Variants in PTOV1 observed in about 807,000 individuals in gnomAD.
PTOV1 encodes prostate tumor-overexpressed gene 1 protein.
A neutral mutation model predicts 58.0 loss-of-function variants in PTOV1; 20 were observed. That is an observed-to-expected ratio of 0.34 (90% CI 0.24 to 0.50). PTOV1 has a LOEUF of 0.50. PTOV1 is among the 20% of genes least tolerant of loss of function. The pLI is 0.98. For missense variants in PTOV1, 593 were observed against 565.4 expected (o/e 1.05, Z -0.50); for synonymous variants, 335 against 234.2 (o/e 1.43, Z -3.93).
In PTOV1 at chr19:49,857,785, G is replaced by A. The variant is rs1285869537; in HGVS notation, c.804+3G>A. ...GTGGTGTCATGGAGTGGCAGGAGGT[G>A]AGCACTCGGCAGCCCAGGGACTTGG... On this transcript the variant is annotated splice_donor_region_variant and intron_variant, in intron 7 of 11. Coordinates refer to ENST00000391842, the Ensembl canonical transcript of PTOV1. 2 of 1,614,010 alleles carry A rather than the reference G, an allele frequency of 1.2e-6. No individual in the cohort carries two copies. The highest frequency in any genetic ancestry group is 1.7e-6 in the Non-Finnish European group (2 of 1,179,934).
chr19:49,854,515 C>G (rs1022832210), exon 2 of PTOV1: 1 of 1,613,084 alleles, frequency 6.2e-7, no homozygotes, highest in Non-Finnish European at 8.5e-7. Context: ...AAGCTGCTGG[C>G]TTGGAGCGGC....
chr19:49,856,645 TC>T, intron 5 of PTOV1: 1 of 340,776 alleles, frequency 2.9e-6, no homozygotes, highest in African/African-American at 2.1e-5. Flanking sequence ...CTGCCTGTGC[TC>T]TTAACCCCCA....
intron 5 of PTOV1, 21 bp from the exon 6 acceptor site, chr19:49,856,954 C>G: frequency 6.2e-7 from 1 of 1,611,470 alleles, no homozygotes; most frequent in Non-Finnish European, 8.5e-7. Context: ...ACCACAGGGT[C>G]CTGACCCGCG....
At chr19:49,850,812 A>G, upstream of PTOV1, 1 of 1,520,852 alleles carries the variant, frequency 6.6e-7, no homozygotes, top group South Asian at 1.2e-5. Context: ...CAGGCCCATT[A>G]TTCCGTCCTC....
At position 49,858,537 on chromosome 19, in the gene PTOV1, G is replaced by A. The variant is rs751976959; in HGVS notation, c.937-12G>A. 9.4e-5 allele frequency: 148 copies of A among 1,580,626 alleles called. No individual in the cohort carries two copies. In the South Asian group the frequency reaches 1.4e-3, roughly 15 times the overall value. On this transcript the variant is annotated splice_polypyrimidine_tract_variant and intron_variant, in intron 9 of 11. Transcript: ENST00000391842. ...AGAAGCCAGAGCTGGGGGTCCCCTCGCTTCCCCGCAGACCACCCTAGTGCC... is the reference window on the plus strand; with the variant it reads ...AGAAGCCAGAGCTGGGGGTCCCCTCACTTCCCCGCAGACCACCCTAGTGCC...
chr19:49,857,259 C>T (rs952600366), intron 6 of PTOV1, 129 bp downstream of exon 6: 130 of 1,319,366 alleles, frequency 9.9e-5, no homozygotes, highest in South Asian at 5.5e-4. Flanking sequence ...CAGGGGAGCC[C>T]GGAGGATGCC....
chr19:49,860,290 G>T, exon 12 of PTOV1: 1 of 1,612,254 alleles, frequency 6.2e-7, no homozygotes, highest in Non-Finnish European at 8.5e-7. Context: ...TGGTTACCCC[G>T]GGCTGGGCCC....
chr19:49,851,405 C>A, exon 1 of PTOV1: 4 of 1,197,418 alleles, frequency 3.3e-6, no homozygotes, highest in Non-Finnish European at 4.1e-6. Flanking sequence ...CCTCCGCGGC[C>A]CCTCGTGGTG....
At chr19:49,853,955 AAGACAGGGCAAGCTGGTGTGTGGGAC>A (rs1398633411) in intron 1 of PTOV1, among the ~76,000 whole-genome samples, 1 of 152,212 alleles carries the variant, frequency 6.6e-6, no homozygotes, top group Non-Finnish European at 1.5e-5. Context: ...CAGCCTGGGA[AAGACAGGGCAAGCTGGTGTGTGGGAC>A]AGACACAGCG....
At chr19:49,855,189 AG>A in intron 5 of PTOV1, 112 bp downstream of exon 5, 2 of 1,062,000 alleles carry the variant, frequency 1.9e-6, no homozygotes, top group Non-Finnish European at 2.8e-6. Flanking sequence ...GGCCGAGGGT[AG>A]CCCTCGTGGC....
rs1320385801 is a variant in PTOV1 at position 49,851,556 on chromosome 19, T to C, written c.171+57T>C. On this transcript the variant is annotated intron_variant, in intron 1 of 11. Transcript: ENST00000391842. ...CACGGCCCCGCCCCCCCAGCCCCTATCCCGGGCTCACGCCTTTGTCCGCAG... is the reference window on the plus strand; with the variant it reads ...CACGGCCCCGCCCCCCCAGCCCCTACCCCGGGCTCACGCCTTTGTCCGCAG... 6.6e-6 allele frequency: 6 copies of C among 904,646 alleles called. No individual in the cohort carries two copies. In the African/African-American group the frequency reaches 1.1e-4, roughly 16 times the overall value. 56.0% of individuals were successfully genotyped at this position (904,646 alleles called of 1,614,324 possible). A position where few individuals can be genotyped will look rare whatever the true frequency, so the allele number is the denominator to read the frequency against.
At chr19:49,851,774 G>A in intron 1 of PTOV1, 1 of 1,075,518 alleles carries the variant, frequency 9.3e-7, no homozygotes, top group Non-Finnish European at 1.1e-6. Flanking sequence ...TTTAAACGCG[G>A]GCTGGGGGCG....
Position 49,857,841 on chromosome 19 carries a change from G to C in PTOV1, c.804+59G>C, listed in dbSNP as rs549545057. On this transcript the variant is annotated intron_variant, in intron 7 of 11. Coordinates refer to ENST00000391842, the Ensembl canonical transcript of PTOV1. ...CCAGATCCTCACGGACTGTGGCTGGGAGGGGACACTGGCATTGGGGGTCTC... is the reference window on the plus strand; with the variant it reads ...CCAGATCCTCACGGACTGTGGCTGGCAGGGGACACTGGCATTGGGGGTCTC... The C allele has an allele frequency of 2.4e-4, 384 of 1,612,662 alleles. 5 individuals are homozygous for C. The South Asian group carries it at 3.4e-3, about 14-fold the overall frequency.
exon 12 of PTOV1, chr19:49,860,705 C>T (rs1294237375): frequency 1.2e-5 from 4 of 344,896 alleles, no homozygotes; most frequent in Non-Finnish European, 2.1e-5. Flanking sequence ...CGGTCCCCAC[C>T]CCTCTACGTT....
rs1292662885 is a variant in PTOV1, at chr19:49,857,546, G to A, written c.715-147G>A. The stretch of plus-strand genomic sequence containing the variant: ...ATGGGGGGCTGTGAGCAGATGAGGG[G>A]CAGGGCCTGTTCCCCTGGGACTAGA... On this transcript the variant is annotated intron_variant, in intron 6 of 11. Transcript: ENST00000391842. 3.3e-5 allele frequency: 25 copies of A among 752,088 alleles called. No homozygotes were observed. In the East Asian group the frequency reaches 6.4e-4, roughly 19 times the overall value. The allele number at this position is 752,088 out of a possible 1,614,324, so 46.6% of individuals were successfully genotyped here. A position where few individuals can be genotyped will look rare whatever the true frequency, so the allele number is the denominator to read the frequency against.
At chr19:49,851,620 T>G in intron 1 of PTOV1, 121 bp downstream of exon 1, 1 of 1,029,662 alleles carries the variant, frequency 9.7e-7, no homozygotes. Flanking sequence ...GCCCGAAGGG[T>G]GGTCCCGCCC....
intron 5 of PTOV1, 56 bp downstream of exon 5, chr19:49,855,133 C>T (rs766830491): frequency 3.0e-5 from 44 of 1,481,236 alleles, no homozygotes; most frequent in Middle Eastern, 3.4e-4. Flanking sequence ...CTGGAGGCAG[C>T]GCTCTGCTCA....
exon 2 of PTOV1, chr19:49,854,478 G>A (rs747628312): frequency 1.2e-6 from 2 of 1,612,676 alleles, no homozygotes; most frequent in Admixed American, 1.7e-5. Context: ...CGGGGGTCTG[G>A]CCGTGAGCGA....
chr19:49,850,774 G>A (rs766488933), upstream of PTOV1: 279 of 1,383,488 alleles, frequency 2.0e-4, no homozygotes, highest in Non-Finnish European at 2.7e-4. Context: ...CCCTCAGTGG[G>A]TTCCCTTTCA....
Sources: allele counts gnomAD v4.1 joint callset (sites outside exome capture counted in the v4.1 genomes callset), GRCh38; gene constraint gnomAD v4.1.1; transcripts MANE v1.5; gene names NCBI Gene and HGNC (gene_info 2026-07-23, HGNC 2026-07-21).